Variants in PLCB4 observed in about 807,000 individuals in gnomAD.
The protein encoded by PLCB4 is phospholipase C beta 4.
PLCB4 carries 77 observed loss-of-function variants against 178.8 expected under a neutral mutation model. The observed-to-expected ratio is 0.43, with a 90% CI of 0.36 to 0.52. The LOEUF (loss-of-function observed/expected upper bound fraction) is 0.52. PLCB4 is among the 20% of genes least tolerant of loss of function. The pLI, the probability that PLCB4 is intolerant of heterozygous loss-of-function variation, is 0.00. For synonymous variants in PLCB4, 496 were observed against 490.8 expected (o/e 1.01, Z -0.14); for missense variants, 1,024 against 1,453.4 (o/e 0.70, Z 4.80).
At chr20:9,278,260 G>C (rs1255028228) in intron 3 of PLCB4, among the ~76,000 whole-genome samples, 2 of 152,020 alleles carry the variant, frequency 1.3e-5, no homozygotes, top group Non-Finnish European at 2.9e-5. Flanking sequence ...CTGTAAATCA[G>C]GAAAGGGTTT....
intron 26 of PLCB4, 58 bp downstream of exon 26, chr20:9,419,967 GA>G: frequency 9.7e-7 from 1 of 1,026,262 alleles, no homozygotes; most frequent in Non-Finnish European, 1.5e-6. Context: ...GTCCTTGAAA[GA>G]AATTATAAAA....
chr20:9,456,533 A>G (rs1196849262), intron 33 of PLCB4, among the ~76,000 whole-genome samples: 1 of 152,242 alleles, frequency 6.6e-6, no homozygotes, highest in Non-Finnish European at 1.5e-5. Context: ...TTACAAGTGC[A>G]TGCCCTTATG....
intron 4 of PLCB4, among the ~76,000 whole-genome samples, chr20:9,320,641 T>C (rs950521680): frequency 2.6e-5 from 4 of 152,244 alleles, no homozygotes; most frequent in Non-Finnish European, 5.9e-5. Flanking sequence ...GAAACAACCC[T>C]GTTTTAAGTA....
Position 9,479,603 on chromosome 20 carries a change from GT to G in PLCB4, c.*595del, listed in dbSNP as rs2044768432. 6.5e-6 allele frequency: 1 copy of G among 153,614 alleles called. No homozygotes were observed. Among genetic ancestry groups the G allele is most frequent in the South Asian group, 2.0e-4 (1 of 4,888 alleles). The allele number at this position is 153,614 out of a possible 1,614,324, so 9.5% of individuals were successfully genotyped here. A position where few individuals can be genotyped will look rare whatever the true frequency, so the allele number is the denominator to read the frequency against. On this transcript the variant is annotated 3_prime_UTR_variant, in exon 40 of 40. Coordinates refer to ENST00000378473, the MANE Select transcript of PLCB4 (RefSeq NM_001377142.1). ...ACAATAGAAAAATAGAGCAGTGTAT[GT>G]GTGCCAAAACTCATCATTACTCAAA...
intron 2 of PLCB4, among the ~76,000 whole-genome samples, chr20:9,113,365 A>T (rs1375937427): frequency 6.6e-6 from 1 of 152,148 alleles, no homozygotes; most frequent in Non-Finnish European, 1.5e-5. Context: ...TGTGATTGGG[A>T]AAGGGAACTT....
At chr20:9,474,214 CAAAA>C (rs138592969) in intron 38 of PLCB4, among the ~76,000 whole-genome samples, 1 of 120,610 alleles carries the variant, frequency 8.3e-6, no homozygotes, top group African/African-American at 3.1e-5. Flanking sequence ...GACTCCATCT[CAAAA>C]AAAAAAAAAA....
intron 2 of PLCB4, among the ~76,000 whole-genome samples, chr20:9,128,319 A>G (rs2092181507): frequency 6.6e-6 from 1 of 152,202 alleles, no homozygotes; most frequent in Non-Finnish European, 1.5e-5. Context: ...TACAACCTGC[A>G]GAACTATGAG....
Position 9,471,494 on chromosome 20 carries a change from TA to T in PLCB4, c.3351-1288del, listed in dbSNP as rs541224062. On this transcript the variant is annotated intron_variant, in intron 36 of 39. Coordinates refer to ENST00000378473, the MANE Select transcript of PLCB4 (RefSeq NM_001377142.1). ...CGCTTTGAAAAACTAAGTCTACTATTAAAAAAAACTACCAATAAATTTGAAA... is the reference window on the plus strand; with the variant it reads ...CGCTTTGAAAAACTAAGTCTACTATTAAAAAAACTACCAATAAATTTGAAA... 2.9e-4 allele frequency among the ~76,000 whole-genome samples: 44 copies of T among 151,984 alleles called. No individual in the cohort carries two copies. The East Asian group carries it at 8.1e-3, about 28-fold the overall frequency.
rs546791356 is a variant in PLCB4 at position 9,408,756 on chromosome 20, C to T, written c.1874+39C>T. On this transcript the variant is annotated intron_variant, in intron 23 of 39. Transcript: ENST00000378473. ...TCAAGTGGAATGAGTGGTTGACTCACGTTGGTTTGGCAAGAGCCTCTGAAA... is the reference window on the plus strand; with the variant it reads ...TCAAGTGGAATGAGTGGTTGACTCATGTTGGTTTGGCAAGAGCCTCTGAAA... The T allele has an allele frequency of 5.5e-5, 61 of 1,113,784 alleles. 1 individual carries two copies. The South Asian group carries it at 6.0e-4, about 11-fold the overall frequency. The allele number at this position is 1,113,784 out of a possible 1,614,324, so 69.0% of individuals were successfully genotyped here.
chr20:9,199,448 C>A (rs2093514913), intron 2 of PLCB4, among the ~76,000 whole-genome samples: 1 of 152,126 alleles, frequency 6.6e-6, no homozygotes. Flanking sequence ...GTATTTGATT[C>A]CAAGTTGGCT....
At chr20:9,394,231 G>A (rs2038389113) in intron 18 of PLCB4, among the ~76,000 whole-genome samples, 1 of 152,054 alleles carries the variant, frequency 6.6e-6, no homozygotes, top group South Asian at 2.1e-4. Context: ...ATATTGGCAT[G>A]ATTACACTTC....
rs138431126 is a variant in PLCB4 at position 9,438,452 on chromosome 20, A to T, written c.2764+1300A>T. On this transcript the variant is annotated intron_variant, in intron 30 of 39. Coordinates refer to ENST00000378473, the MANE Select transcript of PLCB4 (RefSeq NM_001377142.1). ...AGAAAGGGGCTTTTTGGTAACTCAG[A>T]CTTCAAGGACAGATCCCAGAGATAG... Among the ~76,000 whole-genome samples, 53 of 152,214 alleles carry T rather than the reference A, an allele frequency of 3.5e-4. No individual in the cohort carries two copies. In the East Asian group the frequency reaches 8.7e-3, roughly 25 times the overall value.
At chr20:9,400,100 T>C (rs563152313) in intron 19 of PLCB4, among the ~76,000 whole-genome samples, 7 of 152,292 alleles carry the variant, frequency 4.6e-5, no homozygotes, top group African/African-American at 1.7e-4. Context: ...CACTTGTTGT[T>C]GTTGTTGTTG....
rs1201622906 is a variant in PLCB4, at chr20:9,343,477, T to C, written c.369+4440T>C. Reference sequence around the variant, plus strand: ...TAAAATATTATCTGAAACCTGAGTTTCTCAGGGTTGAATTTTAAATAAATA... The same window carrying C: ...TAAAATATTATCTGAAACCTGAGTTCCTCAGGGTTGAATTTTAAATAAATA... On this transcript the variant is annotated intron_variant, in intron 7 of 39. Transcript: ENST00000378473. Among the ~76,000 whole-genome samples the C allele has an allele frequency of 5.3e-5, 8 of 152,190 alleles. No individual in the cohort carries two copies. In the East Asian group the frequency reaches 1.5e-3, roughly 29 times the overall value.
intron 2 of PLCB4, among the ~76,000 whole-genome samples, chr20:9,120,057 G>A (rs917181666): frequency 4.6e-5 from 7 of 152,200 alleles, no homozygotes; most frequent in South Asian, 2.1e-4. Flanking sequence ...AGTCTGCCTC[G>A]GGCATCTGTG....
Position 9,098,685 on chromosome 20 carries a change from G to A in PLCB4, c.-79+2343G>A, listed in dbSNP as rs1166981927. On this transcript the variant is annotated intron_variant, in intron 2 of 39. Coordinates refer to ENST00000378473, the MANE Select transcript of PLCB4 (RefSeq NM_001377142.1). ...CTCATATATATGTATATATACATATGTACGTATATATGTACATATATACAT... is the reference window on the plus strand; with the variant it reads ...CTCATATATATGTATATATACATATATACGTATATATGTACATATATACAT... Among the ~76,000 whole-genome samples the A allele has an allele frequency of 2.7e-5, 4 of 148,464 alleles. No homozygotes were observed. In the South Asian group the frequency reaches 8.5e-4, roughly 32 times the overall value.
intron 3 of PLCB4, among the ~76,000 whole-genome samples, chr20:9,239,390 A>G (rs2094030490): frequency 6.6e-6 from 1 of 152,198 alleles, no homozygotes; most frequent in Non-Finnish European, 1.5e-5. Flanking sequence ...TAGGGGAGAA[A>G]AAGCAGTATC....
intron 2 of PLCB4, among the ~76,000 whole-genome samples, chr20:9,153,042 G>A (rs1036162011): frequency 2.0e-5 from 3 of 152,144 alleles, no homozygotes; most frequent in African/African-American, 7.2e-5. Flanking sequence ...TTTGGCCAAT[G>A]CCTCCTATTT....
chr20:9,417,584 G>C (rs146942282), intron 25 of PLCB4, among the ~76,000 whole-genome samples: 1 of 152,024 alleles, frequency 6.6e-6, no homozygotes, highest in East Asian at 1.9e-4. Flanking sequence ...ACCATGTTTT[G>C]TGCCATACAT....
Sources: allele counts gnomAD v4.1 joint callset (sites outside exome capture counted in the v4.1 genomes callset), GRCh38; gene constraint gnomAD v4.1.1; transcripts MANE v1.5; gene names NCBI Gene and HGNC (gene_info 2026-07-23, HGNC 2026-07-21).